The following PTPRD variants were observed in gnomAD, a reference collection of about 807,000 sequenced individuals.
The protein encoded by PTPRD is protein tyrosine phosphatase receptor type D.
Under a neutral mutation model 214.5 loss-of-function variants are expected in PTPRD, and 34 were observed. That is an observed-to-expected ratio of 0.16 (90% CI 0.12 to 0.21). PTPRD has a LOEUF of 0.21. Among genes scored for constraint, PTPRD ranks in the 10% least tolerant of loss-of-function variants. PTPRD has a pLI of 1.00. For synonymous variants in PTPRD, 1,128 were observed against 845.7 expected, an observed-to-expected ratio of 1.33 and a Z score of -5.79; for missense variants, 2,545 against 2,398.7, an observed-to-expected ratio of 1.06 and a Z score of -1.27.
At chr9:9,828,256 A>G (rs545866771) in intron 5 of PTPRD, among the ~76,000 whole-genome samples, 30 of 152,288 alleles carry the variant, frequency 2.0e-4, no homozygotes, top group African/African-American at 7.2e-4. Flanking sequence ...AACCAACCCA[A>G]ATGTCCAACA....
At chr9:10,484,209 C>G (rs547498027) in intron 2 of PTPRD, among the ~76,000 whole-genome samples, 4 of 152,130 alleles carry the variant, frequency 2.6e-5, no homozygotes, top group African/African-American at 9.6e-5. Flanking sequence ...AAAGCAAATA[C>G]TACATGTTCT....
chr9:9,724,579 T>C (rs926759026), intron 7 of PTPRD, among the ~76,000 whole-genome samples: 3 of 152,240 alleles, frequency 2.0e-5, no homozygotes, highest in African/African-American at 7.2e-5. Context: ...TATTAACAGA[T>C]CCTTAAGTGG....
chr9:9,191,009 T>C (rs911050474), intron 9 of PTPRD, among the ~76,000 whole-genome samples: 1 of 152,108 alleles, frequency 6.6e-6, no homozygotes, highest in Admixed American at 6.6e-5. Context: ...CTGGCATTCA[T>C]ACACTTGTGT....
chr9:9,383,887 G>C (rs2063055702), intron 9 of PTPRD, among the ~76,000 whole-genome samples: 2 of 151,932 alleles, frequency 1.3e-5, no homozygotes, highest in South Asian at 2.1e-4. Context: ...GTTCCAGAAA[G>C]AACAAAGCAT....
At chr9:9,294,417 G>A (rs997355186) in intron 9 of PTPRD, among the ~76,000 whole-genome samples, 2 of 151,630 alleles carry the variant, frequency 1.3e-5, no homozygotes, top group Non-Finnish European at 3.0e-5. Context: ...CCTTGTTATG[G>A]ATTGAATAAA....
At chr9:9,132,618 TAAG>T (rs1242799375) in intron 10 of PTPRD, among the ~76,000 whole-genome samples, 4 of 152,292 alleles carry the variant, frequency 2.6e-5, no homozygotes, top group African/African-American at 7.2e-5. Context: ...AAATAAACAA[TAAG>T]AAGAAGTCAG....
chr9:9,861,669 T>C lies in PTPRD; in HGVS notation c.-368+76838A>G, dbSNP rs148385371. Reference sequence around the variant, plus strand: ...GATATACAGTATAATATTTTGTTTGTAGTGATATGATTCATATCTTTGCAG... The same window carrying C: ...GATATACAGTATAATATTTTGTTTGCAGTGATATGATTCATATCTTTGCAG... On this transcript the variant is annotated intron_variant, in intron 5 of 45. Transcript: ENST00000381196. 9.1e-4 allele frequency among the ~76,000 whole-genome samples: 138 copies of C among 152,362 alleles called. 1 individual carries two copies. Among genetic ancestry groups the C allele is most frequent in the African/African-American group, 3.3e-3 (138 of 41,584 alleles).
At chr9:9,247,201 C>A (rs1358422959) in intron 9 of PTPRD, among the ~76,000 whole-genome samples, 1 of 151,976 alleles carries the variant, frequency 6.6e-6, no homozygotes. Context: ...CAGAAGGGGT[C>A]CTTCCCTATA....
intron 3 of PTPRD, among the ~76,000 whole-genome samples, chr9:10,081,065 A>G (rs2098228434): frequency 6.6e-6 from 1 of 152,102 alleles, no homozygotes; most frequent in South Asian, 2.1e-4. Context: ...TCTACTAAGA[A>G]TATTTCTCTT....
intron 3 of PTPRD, among the ~76,000 whole-genome samples, chr9:10,086,613 T>C (rs535619136): frequency 6.6e-6 from 1 of 151,918 alleles, no homozygotes; most frequent in South Asian, 2.1e-4. Context: ...TTCCTGATTG[T>C]GAGGATTAAG....
intron 5 of PTPRD, among the ~76,000 whole-genome samples, chr9:9,923,978 AAT>A (rs1476375289): frequency 2.6e-5 from 4 of 152,068 alleles, no homozygotes; most frequent in African/African-American, 9.7e-5. Flanking sequence ...TGAAGGATGG[AAT>A]TAAAATATTT....
At chr9:8,369,749 T>C (rs541520927) in intron 39 of PTPRD, among the ~76,000 whole-genome samples, 2 of 152,080 alleles carry the variant, frequency 1.3e-5, no homozygotes, top group African/African-American at 4.8e-5. Context: ...TAATGTGACA[T>C]AAGATTTAGT....
intron 4 of PTPRD, among the ~76,000 whole-genome samples, chr9:9,954,419 T>C (rs554633393): frequency 6.6e-6 from 1 of 151,528 alleles, no homozygotes; most frequent in East Asian, 1.9e-4. Context: ...ATACTTATTC[T>C]AAAAAGCACT....
chr9:9,710,272 A>G (rs2097700645), intron 7 of PTPRD, among the ~76,000 whole-genome samples: 1 of 152,074 alleles, frequency 6.6e-6, no homozygotes. Flanking sequence ...TATTTGGCTA[A>G]TTTACATAGC....
chr9:10,226,357 A>G (rs951168278), intron 3 of PTPRD, among the ~76,000 whole-genome samples: 8 of 151,978 alleles, frequency 5.3e-5, no homozygotes, highest in African/African-American at 1.9e-4. Context: ...GAGAACAGCA[A>G]TGGAATATAG....
At chr9:9,470,937 T>C (rs1296929361) in intron 8 of PTPRD, among the ~76,000 whole-genome samples, 1 of 152,196 alleles carries the variant, frequency 6.6e-6, no homozygotes, top group Non-Finnish European at 1.5e-5. Flanking sequence ...GATGGAAACT[T>C]AGACTGTAGT....
chr9:9,472,484 T>C (rs2094688829), intron 8 of PTPRD, among the ~76,000 whole-genome samples: 1 of 151,826 alleles, frequency 6.6e-6, no homozygotes, highest in African/African-American at 2.4e-5. Context: ...ATTACAGGCG[T>C]GAGCCACCAC....
chr9:10,154,115 T>A (rs1343180080), intron 3 of PTPRD, among the ~76,000 whole-genome samples: 1 of 152,060 alleles, frequency 6.6e-6, no homozygotes. Flanking sequence ...ACTTTTTTAC[T>A]GCAACTTCAC....
chr9:10,571,408 G>C (rs750969141), intron 2 of PTPRD, among the ~76,000 whole-genome samples: 12 of 152,056 alleles, frequency 7.9e-5, no homozygotes, highest in Non-Finnish European at 1.8e-4. Flanking sequence ...TTTATTTCAT[G>C]TGTTGTCATC....
Sources: allele counts gnomAD v4.1 joint callset (sites outside exome capture counted in the v4.1 genomes callset), GRCh38; gene constraint gnomAD v4.1.1; transcripts MANE v1.5; gene names NCBI Gene and HGNC (gene_info 2026-07-23, HGNC 2026-07-21).